ZNF438: variants seen among roughly 807,000 people sequenced by gnomAD.
The protein encoded by ZNF438 is zinc finger protein 438.
A neutral mutation model predicts 38.0 loss-of-function variants in ZNF438; 25 were observed. That is an observed-to-expected ratio of 0.66 (90% CI 0.48 to 0.92). The LOEUF is 0.92. Ranked by LOEUF, ZNF438 falls within the 40% of genes least tolerant of loss-of-function variation. The pLI, the probability that ZNF438 is intolerant of heterozygous loss-of-function variation, is 0.00. For missense variants in ZNF438, 1,007 were observed against 999.6 expected, an observed-to-expected ratio of 1.01 and a Z score of -0.10; for synonymous variants, 372 against 364.1, an observed-to-expected ratio of 1.02 and a Z score of -0.25.
intron 2 of ZNF438, among the ~76,000 whole-genome samples, chr10:30,924,777 A>G (rs2044718304): frequency 6.6e-6 from 1 of 152,212 alleles, no homozygotes; most frequent in Non-Finnish European, 1.5e-5. Context: ...ATTGGTTAAG[A>G]GATATGGCTA....
chr10:30,920,695 G>T (rs1328954971), intron 2 of ZNF438: 1 of 152,246 alleles, frequency 6.6e-6, no homozygotes, highest in Admixed American at 6.5e-5. Flanking sequence ...GTTATAAAGA[G>T]CACTGCAGCT....
chr10:30,948,768 A>C (rs1254071071), intron 1 of ZNF438, among the ~76,000 whole-genome samples: 1 of 151,534 alleles, frequency 6.6e-6, no homozygotes, highest in East Asian at 1.9e-4. Context: ...CCAAATCTAC[A>C]TCTGATTGGT....
Position 30,962,110 on chromosome 10 carries a change from C to T in ZNF438, c.-191-20459G>A, listed in dbSNP as rs76022480. Among the ~76,000 whole-genome samples, 584 of 146,548 alleles carry T rather than the reference C, an allele frequency of 4.0e-3. 26 individuals carry two copies. The highest frequency in any genetic ancestry group is 0.013 in the African/African-American group (549 of 41,124). ...CACCTCCAACCCACCTTACTCTTTC[C>T]CATAAAGGTAACTTCTGTTATGCTC... On this transcript the variant is annotated intron_variant, in intron 1 of 5. Transcript: ENST00000413025.
At chr10:30,929,430 T>A (rs2045361596) in intron 2 of ZNF438, among the ~76,000 whole-genome samples, 1 of 152,132 alleles carries the variant, frequency 6.6e-6, no homozygotes, top group Non-Finnish European at 1.5e-5. Flanking sequence ...AGTTGTTCAT[T>A]CCTCCTGGTG....
rs149363409 is a variant in ZNF438 at position 30,944,310 on chromosome 10, A to G, written c.-191-2659T>C. On this transcript the variant is annotated intron_variant, in intron 1 of 5. Coordinates refer to ENST00000413025, the Ensembl canonical transcript of ZNF438. ...CAATTTGAAGGGGTAGGAAGACTAG[A>G]TGCAAAGCTAGGTGTACTCTTTTAC... is the stretch of plus-strand genomic sequence containing the variant. Among the ~76,000 whole-genome samples the G allele has an allele frequency of 5.1e-4, 78 of 152,330 alleles. 1 individual carries two copies. In the South Asian group the frequency reaches 9.3e-3, roughly 18 times the overall value.
chr10:30,862,011 T>C (rs552331008), intron 4 of ZNF438, among the ~76,000 whole-genome samples: 1 of 152,332 alleles, frequency 6.6e-6, no homozygotes, highest in South Asian at 2.1e-4. Flanking sequence ...TTGTTGTTAT[T>C]ATCACTAAAA....
chr10:30,893,699 C>T (rs541929801), intron 3 of ZNF438, among the ~76,000 whole-genome samples: 2 of 152,220 alleles, frequency 1.3e-5, no homozygotes, highest in South Asian at 2.1e-4. Flanking sequence ...CCAATTAACC[C>T]AATTTTTAAC....
At chr10:30,890,123 T>G (rs1379726395) in intron 3 of ZNF438, among the ~76,000 whole-genome samples, 1 of 150,094 alleles carries the variant, frequency 6.7e-6, no homozygotes, top group African/African-American at 2.5e-5. Flanking sequence ...AGAAATGTAC[T>G]AGAATATACT....
intron 1 of ZNF438, among the ~76,000 whole-genome samples, chr10:30,996,594 A>G (rs1396204739): frequency 6.6e-6 from 1 of 152,000 alleles, no homozygotes; most frequent in Non-Finnish European, 1.5e-5. Context: ...GAAGGGATAC[A>G]CAATTGAAAA....
chr10:30,948,394 G>C (rs1160244391), intron 1 of ZNF438, among the ~76,000 whole-genome samples: 1 of 152,172 alleles, frequency 6.6e-6, no homozygotes, highest in Non-Finnish European at 1.5e-5. Flanking sequence ...AACAAAGCTG[G>C]ATGGAGAATG....
At chr10:30,948,104 C>A (rs767465323) in intron 1 of ZNF438, among the ~76,000 whole-genome samples, 13 of 152,198 alleles carry the variant, frequency 8.5e-5, no homozygotes, top group Non-Finnish European at 1.8e-4. Flanking sequence ...GACCCCTGAG[C>A]AGCCTAACTG....
intron 1 of ZNF438, among the ~76,000 whole-genome samples, chr10:30,955,478 C>G (rs1429459947): frequency 6.6e-6 from 1 of 152,130 alleles, no homozygotes; most frequent in African/African-American, 2.4e-5. Context: ...CTTTCTATCT[C>G]CACGAAAATT....
intron 3 of ZNF438, among the ~76,000 whole-genome samples, chr10:30,902,213 TACAGAGAGCTGATTGGTCTGTTTC>T (rs1417407300): frequency 2.0e-5 from 3 of 152,190 alleles, no homozygotes; most frequent in East Asian, 1.9e-4. Flanking sequence ...TGGTCCATTT[TACAGAGAGCTGATTGGTCTGTTTC>T]ACAGAGAGCT....
At chr10:31,013,891 C>T (rs981060895) in intron 1 of ZNF438, among the ~76,000 whole-genome samples, 6 of 152,264 alleles carry the variant, frequency 3.9e-5, no homozygotes, top group East Asian at 1.9e-4. Context: ...CATCCAAGTC[C>T]GAAAAAGAGT....
intron 4 of ZNF438, among the ~76,000 whole-genome samples, chr10:30,865,882 G>C (rs559546951): frequency 2.6e-5 from 4 of 152,326 alleles, no homozygotes; most frequent in African/African-American, 9.6e-5. Context: ...GATTAGATTA[G>C]ATTAGTGTTT....
At chr10:30,852,756 G>GA (rs2033900432) in intron 4 of ZNF438, among the ~76,000 whole-genome samples, 1 of 152,184 alleles carries the variant, frequency 6.6e-6, no homozygotes, top group Non-Finnish European at 1.5e-5. Flanking sequence ...CTATTGTCTG[G>GA]AAAAATCAGA....
intron 1 of ZNF438, among the ~76,000 whole-genome samples, chr10:31,016,465 T>C (rs1457885203): frequency 3.3e-4 from 50 of 152,210 alleles, no homozygotes. Flanking sequence ...ACCAATATAG[T>C]GGCTCAGATA....
intron 1 of ZNF438, among the ~76,000 whole-genome samples, chr10:30,951,773 T>A (rs978008946): frequency 5.4e-5 from 8 of 149,400 alleles, no homozygotes; most frequent in African/African-American, 1.9e-4. Context: ...TGGAAGAACA[T>A]TCCATGCTCA....
At chr10:30,939,217 A>G (rs2046567974) in intron 2 of ZNF438, among the ~76,000 whole-genome samples, 1 of 152,238 alleles carries the variant, frequency 6.6e-6, no homozygotes, top group South Asian at 2.1e-4. Flanking sequence ...ATTCTCTGAA[A>G]TTTATGAAGT....
Sources: gnomAD v4.1 joint callset for allele counts (sites outside exome capture counted in the v4.1 genomes callset) on GRCh38, gnomAD v4.1.1 for gene constraint, MANE v1.5 for transcripts, NCBI Gene and HGNC (gene_info 2026-07-23, HGNC 2026-07-21) for gene names.